Variants in HELZ observed in about 807,000 individuals in gnomAD.
The protein encoded by HELZ is ATP-dependent RNA helicase with zinc finger domain.
In HELZ, 23 loss-of-function variants were observed where a neutral mutation model predicts 218.2. The ratio of observed to expected loss-of-function variants is 0.11; its 90% CI spans 0.08 to 0.15. The LOEUF (loss-of-function observed/expected upper bound fraction) is 0.15. Among genes scored for constraint, HELZ ranks in the 10% least tolerant of loss-of-function variants. HELZ has a pLI of 1.00. For missense variants in HELZ, 1,813 were observed against 2,353.7 expected, an observed-to-expected ratio of 0.77 and a Z score of 4.75; for synonymous variants, 814 against 829.4, an observed-to-expected ratio of 0.98 and a Z score of 0.32.
At chr17:67,243,640 G>A (rs1374540707) in intron 2 of HELZ, 144 bp downstream of exon 2, 1 of 152,122 alleles carries the variant, frequency 6.6e-6, no homozygotes, top group Non-Finnish European at 1.5e-5. Flanking sequence ...TCTAAATCTA[G>A]CCCTGCCCAT....
intron 21 of HELZ, among the ~76,000 whole-genome samples, chr17:67,139,329 A>AT (rs1488497981): frequency 1.3e-5 from 2 of 152,160 alleles, no homozygotes; most frequent in African/African-American, 4.8e-5. Context: ...CATTCTCACT[A>AT]TCAGGAAACA....
chr17:67,120,314 TAAC>T (rs1215196198), intron 27 of HELZ, 88 bp downstream of exon 27: 2 of 1,067,266 alleles, frequency 1.9e-6, no homozygotes, highest in Non-Finnish European at 2.8e-6. Context: ...ATGAAAAAGT[TAAC>T]AATCATACTG....
intron 3 of HELZ, among the ~76,000 whole-genome samples, chr17:67,237,033 C>T (rs181783444): frequency 1.3e-4 from 20 of 152,262 alleles, no homozygotes; most frequent in African/African-American, 4.3e-4. Context: ...GCAAAACAAG[C>T]GAACACTCAA....
intron 23 of HELZ, among the ~76,000 whole-genome samples, chr17:67,130,081 T>C (rs1180596686): frequency 6.6e-6 from 1 of 152,168 alleles, no homozygotes; most frequent in Non-Finnish European, 1.5e-5. Context: ...CAGAGTTTAA[T>C]TCCAAACCGT....
intron 19 of HELZ, among the ~76,000 whole-genome samples, 177 bp downstream of exon 19, chr17:67,149,690 C>A (rs2038614713): frequency 6.6e-6 from 1 of 152,018 alleles, no homozygotes; most frequent in African/African-American, 2.4e-5. Flanking sequence ...AAAAGAGTAG[C>A]AGAATAGTAA....
In HELZ at chr17:67,109,619, G is replaced by A; in HGVS notation, c.3986C>T (p.Thr1329Ile). The change falls in exon 29 of 33, where the codon ACC becomes ATC. Residue 1329 changes from threonine (T) to isoleucine (I), a missense_variant. Coordinates refer to ENST00000358691, the MANE Select transcript of HELZ (RefSeq NM_014877.4). Reference sequence around the variant, plus strand: ...GAGATTATCTTTGCGAGGAAATTTGGTACTGGGATAAACAACACTAGGACG... The same window carrying A: ...GAGATTATCTTTGCGAGGAAATTTGATACTGGGATAAACAACACTAGGACG... The part of the protein sequence containing the change: ...ESRPSVVYPS[T>I]KFPRKDNLNP... 1 of 1,614,062 alleles carries A rather than the reference G, an allele frequency of 6.2e-7. No homozygotes were observed. The highest frequency in any genetic ancestry group is 8.5e-7 in the Non-Finnish European group (1 of 1,180,000).
At chr17:67,110,459 GAACA>G (rs2037247118) in intron 28 of HELZ, among the ~76,000 whole-genome samples, 1 of 152,078 alleles carries the variant, frequency 6.6e-6, no homozygotes, top group Admixed American at 6.6e-5. Context: ...ACTTTGAAAT[GAACA>G]AACAAGTACT....
chr17:67,101,952 CTTTGCCCTTT>C (rs2036943436), intron 31 of HELZ, among the ~76,000 whole-genome samples: 1 of 152,204 alleles, frequency 6.6e-6, no homozygotes, highest in South Asian at 2.1e-4. Flanking sequence ...GAAGATGGCA[CTTTGCCCTTT>C]GTTGTCCTCC....
chr17:67,148,895 C>T (rs1480820327), intron 19 of HELZ, among the ~76,000 whole-genome samples, 181 bp from the exon 20 acceptor site: 3 of 152,126 alleles, frequency 2.0e-5, no homozygotes, highest in Non-Finnish European at 4.4e-5. Flanking sequence ...AAGAACTTGG[C>T]TAAAATTTCT....
chr17:67,172,840 A>C (rs1167588836), intron 13 of HELZ, among the ~76,000 whole-genome samples: 2 of 152,084 alleles, frequency 1.3e-5, no homozygotes, highest in African/African-American at 2.4e-5. Context: ...TCCTGGGCTC[A>C]AAAGACCTGC....
intron 4 of HELZ, among the ~76,000 whole-genome samples, chr17:67,216,434 CT>C (rs895320202): frequency 4.6e-5 from 7 of 152,290 alleles, no homozygotes; most frequent in African/African-American, 1.7e-4. Flanking sequence ...TAATTTTTTG[CT>C]TTTGATTGGT....
At chr17:67,096,125 T>TA (rs1331749160) in intron 31 of HELZ, among the ~76,000 whole-genome samples, 7 of 151,630 alleles carry the variant, frequency 4.6e-5, no homozygotes, top group East Asian at 1.9e-4. Context: ...GGAATCTTTT[T>TA]AAAAAATCCC....
At chr17:67,211,547 C>A (rs1275757984) in intron 5 of HELZ, among the ~76,000 whole-genome samples, 1 of 152,030 alleles carries the variant, frequency 6.6e-6, no homozygotes, top group Non-Finnish European at 1.5e-5. Flanking sequence ...TCCTGTGTGT[C>A]TTACATTTTT....
intron 27 of HELZ, among the ~76,000 whole-genome samples, chr17:67,117,284 TTAAC>T (rs540098412): frequency 1.4e-4 from 21 of 152,194 alleles, no homozygotes; most frequent in Non-Finnish European, 2.8e-4. Context: ...ATATGTTCTC[TTAAC>T]ACAATGGAAT....
intron 6 of HELZ, among the ~76,000 whole-genome samples, chr17:67,201,659 G>A (rs1480097296): frequency 6.6e-6 from 1 of 152,030 alleles, no homozygotes; most frequent in Non-Finnish European, 1.5e-5. Flanking sequence ...TCACTCTTCT[G>A]AAATCTAAAT....
rs1567805246 is a variant in HELZ, at chr17:67,107,294, G to T, written c.5116C>A (p.Pro1706Thr). The T allele has an allele frequency of 6.2e-7, 1 of 1,614,194 alleles. No homozygotes were observed. The highest frequency in any genetic ancestry group is 1.1e-5 in the South Asian group (1 of 91,086). Reference sequence around the variant, plus strand: ...AAAGGGTTCTGCGGTGGCCTGTGAGGCAATGGAGGTAGGCCATAGGGAAAA... The same window carrying T: ...AAAGGGTTCTGCGGTGGCCTGTGAGTCAATGGAGGTAGGCCATAGGGAAAA... ...PGFPYGLPPL[P>T]HRPPQNPFVQ... The change falls in exon 31 of 33, where the codon CCT becomes ACT. Residue 1706 changes from proline to threonine, a missense_variant. Transcript: ENST00000358691.
intron 21 of HELZ, among the ~76,000 whole-genome samples, chr17:67,145,221 G>A (rs1325662009): frequency 6.6e-6 from 1 of 152,074 alleles, no homozygotes; most frequent in African/African-American, 2.4e-5. Flanking sequence ...CATTTTTTTG[G>A]TCTGCTGCCT....
rs2039996750 is a variant in HELZ, at chr17:67,195,399, A to T, written c.481+20T>A. On this transcript the variant is annotated intron_variant, in intron 8 of 32. Transcript: ENST00000358691. ...CCCTTATTCACAGCTACCAGAAGTTACACAGCATTTGGCACTTACCCTCAT... is the reference window on the plus strand; with the variant it reads ...CCCTTATTCACAGCTACCAGAAGTTTCACAGCATTTGGCACTTACCCTCAT... 2.6e-6 allele frequency: 4 copies of T among 1,516,374 alleles called. No individual in the cohort carries two copies. The highest frequency in any genetic ancestry group is 3.7e-6 in the Non-Finnish European group (4 of 1,092,724). 93.9% of individuals were successfully genotyped at this position (1,516,374 alleles called of 1,614,324 possible). A position where few individuals can be genotyped will look rare whatever the true frequency, so the allele number is the denominator to read the frequency against.
At chr17:67,174,199 T>TAAAA (rs78852445) in intron 13 of HELZ, among the ~76,000 whole-genome samples, 2 of 135,456 alleles carry the variant, frequency 1.5e-5, no homozygotes, top group Non-Finnish European at 3.2e-5. Context: ...AATCATCCTT[T>TAAAA]AAAAAAAAAA....
Sources: allele counts gnomAD v4.1 joint callset (sites outside exome capture counted in the v4.1 genomes callset), GRCh38; gene constraint gnomAD v4.1.1; transcripts MANE v1.5; gene names NCBI Gene and HGNC (gene_info 2026-07-23, HGNC 2026-07-21).